Variants in TTC27 observed in about 807,000 individuals in gnomAD.
TTC27 encodes tetratricopeptide repeat domain 27.
A neutral mutation model predicts 115.9 loss-of-function variants in TTC27; 79 were observed. The ratio of observed to expected loss-of-function variants is 0.68; its 90% confidence interval spans 0.57 to 0.82. The LOEUF (loss-of-function observed/expected upper bound fraction) is 0.82, where lower values mean the gene tolerates loss of function less well. Among genes scored for constraint, TTC27 ranks in the 40% least tolerant of loss-of-function variants. The probability of loss-of-function intolerance (pLI) is 0.00; values close to 1 mark genes in which losing one functional copy is unlikely to be tolerated. For synonymous variants in TTC27, 401 were observed against 356.0 expected (o/e 1.13, Z -1.42); for missense variants, 1,054 against 993.1 (o/e 1.06, Z -0.82).
In TTC27 at chr2:32,812,498, C is replaced by T. The variant is rs369093553; in HGVS notation, c.2197-6C>T. The T allele has an allele frequency of 2.6e-5, 42 of 1,595,132 alleles. No individual in the cohort carries two copies. The highest frequency in any genetic ancestry group is 3.3e-5 in the Non-Finnish European group (38 of 1,163,594). On this transcript the variant is annotated splice_polypyrimidine_tract_variant and splice_region_variant and intron_variant, in intron 17 of 19. Transcript: ENST00000317907. ...ATTCTGAATGTTGTTCTTTCTCCTT[C>T]CTCAGGCATTCCAGTGCCTCTCAAA...
intron 7 of TTC27, among the ~76,000 whole-genome samples, chr2:32,667,047 A>G (rs1005608798): frequency 1.3e-5 from 2 of 151,958 alleles, no homozygotes; most frequent in African/African-American, 4.8e-5. Context: ...TTAATGATGC[A>G]GTTAGTTATG....
At chr2:32,729,068 A>G (rs185650076) in intron 10 of TTC27, among the ~76,000 whole-genome samples, 2 of 152,260 alleles carry the variant, frequency 1.3e-5, no homozygotes, top group Admixed American at 1.3e-4. Context: ...ATGGCATATG[A>G]TCAGTCATAA....
intron 13 of TTC27, among the ~76,000 whole-genome samples, chr2:32,777,027 T>A (rs1375874095): frequency 6.6e-6 from 1 of 152,230 alleles, no homozygotes; most frequent in African/African-American, 2.4e-5. Context: ...ATCTGTTTTC[T>A]AAATCTCAGT....
rs1667058682 is a variant in TTC27 at position 32,698,210 on chromosome 2, T to G, written c.1120-4597T>G. Among the ~76,000 whole-genome samples, 3 of 152,216 alleles carry G rather than the reference T, an allele frequency of 2.0e-5. No individual in the cohort carries two copies. In the South Asian group the frequency reaches 6.2e-4, roughly 32 times the overall value. ...GTGCAGTAGTGTGATCATGGCTCAC[T>G]GCAGCCTTGACCAGACTCAAGTGAT... On this transcript the variant is annotated intron_variant, in intron 9 of 19. Transcript: ENST00000317907.
intron 9 of TTC27, among the ~76,000 whole-genome samples, chr2:32,701,075 T>C (rs755806026): frequency 7.2e-5 from 11 of 152,188 alleles, no homozygotes; most frequent in Non-Finnish European, 1.6e-4. Flanking sequence ...ATTTGCAAAG[T>C]TAATTATAGA....
intron 9 of TTC27, among the ~76,000 whole-genome samples, chr2:32,681,182 A>G (rs905052284): frequency 3.3e-5 from 5 of 152,300 alleles, no homozygotes; most frequent in Non-Finnish European, 7.3e-5. Flanking sequence ...TTCTAAAGAG[A>G]TGAGTTAATC....
chr2:32,760,960 T>TA (rs1409924930), intron 13 of TTC27, among the ~76,000 whole-genome samples: 1 of 152,224 alleles, frequency 6.6e-6, no homozygotes, highest in Non-Finnish European at 1.5e-5. Context: ...TGTCTGCACT[T>TA]ACTTCCTTGA....
intron 3 of TTC27, among the ~76,000 whole-genome samples, chr2:32,639,104 T>G (rs1328814903): frequency 6.6e-6 from 1 of 152,122 alleles, no homozygotes. Flanking sequence ...AGTGCTGGGA[T>G]TACAGATGTG....
chr2:32,708,086 C>T (rs1667439224), intron 10 of TTC27, among the ~76,000 whole-genome samples: 1 of 152,096 alleles, frequency 6.6e-6, no homozygotes, highest in African/African-American at 2.4e-5. Context: ...TTGAACAACA[C>T]TGCTTTGAAC....
intron 16 of TTC27, among the ~76,000 whole-genome samples, chr2:32,799,264 A>AGTTT (rs1375901605): frequency 6.6e-6 from 1 of 152,214 alleles, no homozygotes; most frequent in Admixed American, 6.5e-5. Context: ...AATGGGGTAG[A>AGTTT]GTTTCAGTTT....
chr2:32,808,628 C>T (rs952037081), intron 16 of TTC27, among the ~76,000 whole-genome samples: 1 of 152,138 alleles, frequency 6.6e-6, no homozygotes, highest in African/African-American at 2.4e-5. Flanking sequence ...AGAGGAGGCA[C>T]AAATGCACTT....
At chr2:32,810,077 T>G (rs1572633902) in intron 16 of TTC27, among the ~76,000 whole-genome samples, 1 of 144,258 alleles carries the variant, frequency 6.9e-6, no homozygotes, top group South Asian at 2.2e-4. Context: ...ATCATACCAC[T>G]GCACTCCAGC....
At chr2:32,729,989 G>C (rs1454711803) in intron 10 of TTC27, among the ~76,000 whole-genome samples, 2 of 152,130 alleles carry the variant, frequency 1.3e-5, no homozygotes, top group Non-Finnish European at 1.5e-5. Flanking sequence ...AAATTTCTGG[G>C]CGTGTGTGAA....
At chr2:32,708,141 C>G (rs1220068377) in intron 10 of TTC27, among the ~76,000 whole-genome samples, 1 of 151,952 alleles carries the variant, frequency 6.6e-6, no homozygotes, top group Non-Finnish European at 1.5e-5. Flanking sequence ...CCTCTGCCAT[C>G]CATGAGACAG....
chr2:32,654,697 ATTTT>A (rs1202304878), intron 5 of TTC27, among the ~76,000 whole-genome samples: 1 of 140,286 alleles, frequency 7.1e-6, no homozygotes, highest in Non-Finnish European at 1.6e-5. Context: ...TACATGGCTA[ATTTT>A]TTTTTTTTTT....
At chr2:32,801,570 G>C (rs1670940205) in intron 16 of TTC27, among the ~76,000 whole-genome samples, 1 of 152,176 alleles carries the variant, frequency 6.6e-6, no homozygotes, top group Admixed American at 6.5e-5. Context: ...CTGAGGTTCT[G>C]GGTGCACGTG....
chr2:32,760,371 C>T (rs1572586390), intron 13 of TTC27, among the ~76,000 whole-genome samples: 1 of 152,102 alleles, frequency 6.6e-6, no homozygotes, highest in Non-Finnish European at 1.5e-5. Flanking sequence ...CCCCAGAGGA[C>T]GTTTGGCAAC....
chr2:32,816,567 G>A (rs562763484), intron 18 of TTC27, among the ~76,000 whole-genome samples: 7 of 152,204 alleles, frequency 4.6e-5, no homozygotes, highest in Non-Finnish European at 8.8e-5. Context: ...CAGGAAGAAC[G>A]ATGCCTTCTT....
At chr2:32,771,583 G>A (rs1669831520) in intron 13 of TTC27, among the ~76,000 whole-genome samples, 1 of 152,214 alleles carries the variant, frequency 6.6e-6, no homozygotes, top group Non-Finnish European at 1.5e-5. Flanking sequence ...TTTAAGGGAA[G>A]ACACTGAAAT....
Sources: gnomAD v4.1 joint callset for allele counts (sites outside exome capture counted in the v4.1 genomes callset) on GRCh38, gnomAD v4.1.1 for gene constraint, MANE v1.5 for transcripts, NCBI Gene and HGNC (gene_info 2026-07-23, HGNC 2026-07-21) for gene names.